Variants in BRCA1 observed in about 807,000 individuals in gnomAD.
BRCA1 encodes breast cancer type 1 susceptibility protein.
A neutral mutation model predicts 173.7 loss-of-function variants in BRCA1; 140 were observed. The ratio of observed to expected loss-of-function variants is 0.81; its 90% CI spans 0.70 to 0.93. The LOEUF (loss-of-function observed/expected upper bound fraction) is 0.93. Among genes scored for constraint, BRCA1 ranks in the 40% least tolerant of loss-of-function variants. BRCA1 has a pLI of 0.00. For synonymous variants in BRCA1, 662 were observed against 756.0 expected (o/e 0.88, Z 2.04); for missense variants, 1,983 against 2,172.5 (o/e 0.91, Z 1.73).
chr17:43,067,548 C>T (rs2153691617), intron 16 of BRCA1, 60 bp downstream of exon 16: 1 of 1,414,670 alleles, frequency 7.1e-7, no homozygotes, highest in Non-Finnish European at 1.0e-6. Context: ...GCCACCGTGC[C>T]TCGCCTCATG....
At chr17:43,086,447 C>T (rs746947639) in intron 11 of BRCA1, among the ~76,000 whole-genome samples, 101 of 151,884 alleles carry the variant, frequency 6.6e-4, no homozygotes, top group African/African-American at 8.7e-4. Flanking sequence ...TACTTTTTCT[C>T]GGTTCAGTAC....
intron 1 of BRCA1, chr17:43,160,908 G>A (rs2056231822): frequency 6.6e-6 from 1 of 152,210 alleles, no homozygotes; most frequent in Non-Finnish European, 1.5e-5. Context: ...GGAGCAGTAA[G>A]TAGGTTCCTA....
At chr17:43,070,723 A>C (rs1337596210) in intron 15 of BRCA1, among the ~76,000 whole-genome samples, 2 of 152,240 alleles carry the variant, frequency 1.3e-5, no homozygotes, top group Non-Finnish European at 2.9e-5. Flanking sequence ...TATTTTCTCA[A>C]GTAAATATAC....
rs80357210 is a variant in BRCA1, at chr17:43,091,491, C to T, written c.4040G>A (p.Arg1347Lys). 2 of 1,613,532 alleles carry T rather than the reference C, an allele frequency of 1.2e-6. No homozygotes were observed. Among genetic ancestry groups the T allele is most frequent in the African/African-American group, 1.3e-5 (1 of 74,980 alleles). ...DKELVSDDEE[R>K]GTGLEENNQE... is the part of the protein sequence containing the mutation. ...ATTATTTTCTTCCAAGCCCGTTCCT[C>T]TTTCTTCATCATCTGAAACCAATTC... The change falls in exon 10 of 23, where the codon AGA becomes AAA. Residue 1347 changes from arginine to lysine, a missense_variant. By Grantham distance (26) the Arg-to-Lys change is conservative. Coordinates refer to ENST00000357654, the MANE Select transcript of BRCA1 (RefSeq NM_007294.4).
intron 12 of BRCA1, among the ~76,000 whole-genome samples, chr17:43,077,767 CTTG>C (rs2154085186): frequency 6.6e-6 from 1 of 151,086 alleles, no homozygotes; most frequent in African/African-American, 2.4e-5. Context: ...GGAGTTTGCT[CTTG>C]TTGCCCAGGC....
chr17:43,140,530 C>G (rs2056068068), intron 1 of BRCA1, among the ~76,000 whole-genome samples: 1 of 152,160 alleles, frequency 6.6e-6, no homozygotes, highest in South Asian at 2.1e-4. Context: ...TAGGGCTTCT[C>G]TGCCTTTGTA....
chr17:43,168,045 A>G (rs958564867), intron 1 of BRCA1: 5 of 189,708 alleles, frequency 2.6e-5, no homozygotes, highest in Non-Finnish European at 5.6e-5. Context: ...AAAATCAGCA[A>G]TTACAATAGC....
intron 2 of BRCA1, chr17:43,119,348 A>G (rs1380815540): frequency 4.5e-6 from 1 of 223,144 alleles, no homozygotes; most frequent in Non-Finnish European, 8.9e-6. Context: ...TTGTAATACA[A>G]CTCTTGTAAT....
In BRCA1 at chr17:43,092,415, G is replaced by C. The variant is rs1173254670; in HGVS notation, c.3116C>G (p.Ala1039Gly). ...NNIRENVFKE[A>G]SSSNINEVGS... ...TACTTCATTAATATTGCTTGAGCTGGCTTCTTTAAAAACATTTTCTCTAAT... is the reference window on the plus strand; with the variant it reads ...TACTTCATTAATATTGCTTGAGCTGCCTTCTTTAAAAACATTTTCTCTAAT... The change falls in exon 10 of 23, where the codon GCC becomes GGC. Residue 1039 changes from alanine to glycine, a missense_variant. Physicochemically the swap from Ala to Gly is moderately conservative, Grantham distance 60. Coordinates refer to ENST00000357654, the MANE Select transcript of BRCA1 (RefSeq NM_007294.4). 1 of 1,613,746 alleles carries C rather than the reference G, an allele frequency of 6.2e-7. No individual in the cohort carries two copies. Among genetic ancestry groups the C allele is most frequent in the South Asian group, 1.1e-5 (1 of 91,074 alleles).
intron 6 of BRCA1, among the ~76,000 whole-genome samples, chr17:43,101,710 C>T (rs750718896): frequency 4.6e-5 from 7 of 151,956 alleles, no homozygotes; most frequent in Non-Finnish European, 8.8e-5. Flanking sequence ...CCATGTTGGC[C>T]AGGCTGGTCT....
At position 43,093,142 on chromosome 17, in the gene BRCA1, C is replaced by T. The variant is rs62625306; in HGVS notation, c.2389G>A (p.Glu797Lys). The stretch of plus-strand genomic sequence containing the variant: ...CACTGACTCACACATTTATTTGGTT[C>T]TGTTTTTGCCTTCCCTAGAGTGCTA... ...EVSTLGKAKT[E>K]PNKCVSQCAA... is the part of the protein sequence containing the mutation. The change falls in exon 10 of 23, where the codon GAA (glutamate) becomes AAA (lysine). Residue 797 changes from glutamate (E) to lysine (K), a missense_variant. By Grantham distance (56) the Glu-to-Lys change is moderately conservative. Coordinates refer to ENST00000357654, the MANE Select transcript of BRCA1 (RefSeq NM_007294.4). 2 of 1,613,538 alleles carry T rather than the reference C, an allele frequency of 1.2e-6. No homozygotes were observed. The highest frequency in any genetic ancestry group is 1.7e-6 in the Non-Finnish European group (2 of 1,179,842).
chr17:43,135,522 A>G (rs2056012372), intron 1 of BRCA1, among the ~76,000 whole-genome samples: 1 of 152,200 alleles, frequency 6.6e-6, no homozygotes, highest in African/African-American at 2.4e-5. Context: ...CCGGTGGAGA[A>G]GTCCAGGCCT....
intron 8 of BRCA1, among the ~76,000 whole-genome samples, chr17:43,096,247 C>T (rs899331231): frequency 1.8e-4 from 27 of 151,472 alleles, no homozygotes; most frequent in African/African-American, 5.1e-4. Context: ...TGTGGTGGCG[C>T]GCGCCTGTAG....
intron 7 of BRCA1, among the ~76,000 whole-genome samples, chr17:43,099,570 C>T (rs1175341444): frequency 1.3e-5 from 2 of 152,088 alleles, no homozygotes; most frequent in African/African-American, 4.8e-5. Flanking sequence ...CATGCCTGGC[C>T]TCTTTTGCTC....
chr17:43,082,906 A>C, intron 11 of BRCA1: 1 of 343,574 alleles, frequency 2.9e-6, no homozygotes, highest in East Asian at 6.3e-5. Context: ...TCGATATTTA[A>C]AATTAGCATG....
At chr17:43,165,371 AC>A (rs1234864165) in intron 1 of BRCA1, among the ~76,000 whole-genome samples, 1 of 152,184 alleles carries the variant, frequency 6.6e-6, no homozygotes, top group Admixed American at 6.5e-5. Context: ...AATCTTCAAA[AC>A]AATAATTATT....
At chr17:43,162,127 A>C (rs1301812688) in intron 1 of BRCA1, 1 of 152,204 alleles carries the variant, frequency 6.6e-6, no homozygotes, top group African/African-American at 2.4e-5. Flanking sequence ...ATTGTCCCTT[A>C]GCACAGGAAG....
chr17:43,141,008 C>T (rs913944079), intron 1 of BRCA1, among the ~76,000 whole-genome samples: 3 of 152,186 alleles, frequency 2.0e-5, no homozygotes, highest in Non-Finnish European at 4.4e-5. Flanking sequence ...TTGTGTCCAC[C>T]TTTCTGTGGC....
chr17:43,100,572 A>ATGTT (rs1555595192), intron 6 of BRCA1, among the ~76,000 whole-genome samples: 1 of 86,600 alleles, frequency 1.2e-5, no homozygotes, highest in African/African-American at 4.6e-5. Context: ...ATATATATAT[A>ATGTT]ACATATATAT....
Sources: allele counts gnomAD v4.1 joint callset (sites outside exome capture counted in the v4.1 genomes callset), GRCh38; gene constraint gnomAD v4.1.1; transcripts MANE v1.5; gene names NCBI Gene and HGNC (gene_info 2026-07-23, HGNC 2026-07-21).